PTPRO: variants seen among roughly 807,000 people sequenced by gnomAD.
The protein encoded by PTPRO is receptor-type tyrosine-protein phosphatase O.
PTPRO carries 62 observed loss-of-function variants against 145.2 expected under a neutral mutation model. That is an observed-to-expected ratio of 0.43 (90% CI 0.35 to 0.53). PTPRO has a LOEUF of 0.53. Among genes scored for constraint, PTPRO ranks in the 20% least tolerant of loss-of-function variants. PTPRO has a pLI of 0.01. For synonymous variants in PTPRO, 565 were observed against 514.7 expected (o/e 1.10, Z -1.32); for missense variants, 1,345 against 1,482.7 (o/e 0.91, Z 1.53).
chr12:15,464,359 T>C (rs1316982277), intron 1 of PTPRO, among the ~76,000 whole-genome samples: 2 of 151,472 alleles, frequency 1.3e-5, no homozygotes, highest in Non-Finnish European at 2.9e-5. Flanking sequence ...TGTTTTGTTT[T>C]GGGTTTTTTT....
intron 8 of PTPRO, among the ~76,000 whole-genome samples, chr12:15,516,231 C>A (rs1724374154): frequency 6.7e-6 from 1 of 149,396 alleles, no homozygotes; most frequent in Non-Finnish European, 1.5e-5. Flanking sequence ...TCGTGATCTG[C>A]CCACCTTGGC....
rs531256224 is a variant in PTPRO, at chr12:15,548,766, A to G, written c.2305-328A>G. On this transcript the variant is annotated intron_variant, in intron 13 of 26. Coordinates refer to ENST00000281171, the MANE Select transcript of PTPRO (RefSeq NM_030667.3). ...TGATATGGAAAAAGCACCAAAATATATTGATAGCTAAGGTAAAAAAATTAG... is the reference window on the plus strand; with the variant it reads ...TGATATGGAAAAAGCACCAAAATATGTTGATAGCTAAGGTAAAAAAATTAG... Among the ~76,000 whole-genome samples the G allele has an allele frequency of 2.0e-5, 3 of 152,290 alleles. No homozygotes were observed. The South Asian group carries it at 6.2e-4, about 32-fold the overall frequency.
chr12:15,524,157 TAAAAAAA>T (rs34287474), intron 10 of PTPRO, among the ~76,000 whole-genome samples: 3 of 129,120 alleles, frequency 2.3e-5, no homozygotes, highest in African/African-American at 8.6e-5. Context: ...GCTTCGTGGC[TAAAAAAA>T]AAAAAAAAAA....
intron 1 of PTPRO, among the ~76,000 whole-genome samples, chr12:15,343,355 A>G (rs1285521147): frequency 6.6e-6 from 1 of 152,118 alleles, no homozygotes; most frequent in Admixed American, 6.5e-5. Context: ...TTTACGTTAA[A>G]TGTCCTAAAT....
At chr12:15,435,913 G>A (rs984388747) in intron 1 of PTPRO, among the ~76,000 whole-genome samples, 1 of 152,150 alleles carries the variant, frequency 6.6e-6, no homozygotes, top group Non-Finnish European at 1.5e-5. Context: ...TAGCCAGGCT[G>A]GCTATACTTT....
At chr12:15,421,536 A>T (rs1940145958) in intron 1 of PTPRO, among the ~76,000 whole-genome samples, 1 of 152,178 alleles carries the variant, frequency 6.6e-6, no homozygotes, top group African/African-American at 2.4e-5. Context: ...GATCCTAGAG[A>T]GGTGTCTCAG....
At chr12:15,473,506 C>G (rs998310549) in intron 1 of PTPRO, among the ~76,000 whole-genome samples, 1 of 152,230 alleles carries the variant, frequency 6.6e-6, no homozygotes. Context: ...TGGCTCATGC[C>G]TGTAATCCCA....
chr12:15,496,445 A>G (rs896226380), intron 2 of PTPRO, among the ~76,000 whole-genome samples: 2 of 151,968 alleles, frequency 1.3e-5, no homozygotes, highest in Non-Finnish European at 2.9e-5. Flanking sequence ...ATTATTTAAC[A>G]TATCTTCTTA....
rs576862294 is a variant in PTPRO at position 15,402,729 on chromosome 12, C to T, written c.75+79928C>T. ...CTTTATGTTTGTTATTTCACTGACACCAAGCAGTACTATAATGCTTTAGTT... is the reference window on the plus strand; with the variant it reads ...CTTTATGTTTGTTATTTCACTGACATCAAGCAGTACTATAATGCTTTAGTT... On this transcript the variant is annotated intron_variant, in intron 1 of 26. Coordinates refer to ENST00000281171, the MANE Select transcript of PTPRO (RefSeq NM_030667.3). 3.3e-5 allele frequency among the ~76,000 whole-genome samples: 5 copies of T among 152,092 alleles called. No individual in the cohort carries two copies. The South Asian group carries it at 8.3e-4, about 25-fold the overall frequency.
At chr12:15,594,051 A>G (rs1223623966) in intron 25 of PTPRO, among the ~76,000 whole-genome samples, 1 of 152,118 alleles carries the variant, frequency 6.6e-6, no homozygotes, top group African/African-American at 2.4e-5. Context: ...CTATTTGTAT[A>G]TGTTACTGAT....
At chr12:15,401,709 G>C (rs1319672346) in intron 1 of PTPRO, among the ~76,000 whole-genome samples, 1 of 152,156 alleles carries the variant, frequency 6.6e-6, no homozygotes, top group East Asian at 1.9e-4. Context: ...AATTTCATTA[G>C]ACTGGCTCAC....
chr12:15,349,051 A>C (rs1016896700), intron 1 of PTPRO, among the ~76,000 whole-genome samples: 2 of 152,202 alleles, frequency 1.3e-5, no homozygotes, highest in Non-Finnish European at 2.9e-5. Flanking sequence ...AAGACCATAG[A>C]ATAGTCTGAC....
At chr12:15,490,590 C>T (rs1941980384) in intron 2 of PTPRO, among the ~76,000 whole-genome samples, 1 of 152,074 alleles carries the variant, frequency 6.6e-6, no homozygotes, top group Admixed American at 6.5e-5. Context: ...CAGATTTGGC[C>T]TTGTGGACTG....
chr12:15,379,186 G>A (rs1307313509), intron 1 of PTPRO, among the ~76,000 whole-genome samples: 1 of 151,930 alleles, frequency 6.6e-6, no homozygotes, highest in Non-Finnish European at 1.5e-5. Flanking sequence ...AATATTCACA[G>A]CATATTTTTC....
chr12:15,489,710 G>T (rs1260849993), intron 2 of PTPRO, among the ~76,000 whole-genome samples: 1 of 152,086 alleles, frequency 6.6e-6, no homozygotes, highest in Non-Finnish European at 1.5e-5. Flanking sequence ...CACCCCAGTA[G>T]GTCTCAGCCT....
At chr12:15,520,411 C>T (rs2136514202) in intron 10 of PTPRO, 99 bp downstream of exon 10, 18 of 818,238 alleles carry the variant, frequency 2.2e-5, no homozygotes, top group Non-Finnish European at 3.6e-5. Flanking sequence ...ATTCACCCAG[C>T]ACTGGGTGAG....
intron 2 of PTPRO, among the ~76,000 whole-genome samples, chr12:15,495,933 T>A (rs2080472): frequency 0.98 from 149,178 of 152,182 alleles, 73,197 homozygotes; most frequent in Middle Eastern, 1. Context: ...ATCTACAACA[T>A]GGGTCATTAA....
intron 1 of PTPRO, among the ~76,000 whole-genome samples, chr12:15,347,074 C>A (rs1174963569): frequency 2.0e-5 from 3 of 152,130 alleles, no homozygotes; most frequent in Non-Finnish European, 4.4e-5. Context: ...GGCTCCTCAT[C>A]CTCCAGGTCT....
At chr12:15,532,678 G>A (rs779614376) in intron 12 of PTPRO, among the ~76,000 whole-genome samples, 1 of 152,130 alleles carries the variant, frequency 6.6e-6, no homozygotes, top group Non-Finnish European at 1.5e-5. Context: ...TAAATTCTAC[G>A]AATGTGGAGA....
Sources: allele counts gnomAD v4.1 joint callset (sites outside exome capture counted in the v4.1 genomes callset), GRCh38; gene constraint gnomAD v4.1.1; transcripts MANE v1.5; gene names NCBI Gene and HGNC (gene_info 2026-07-23, HGNC 2026-07-21).